MARCHF1: variants seen among roughly 807,000 people sequenced by gnomAD.
MARCHF1 encodes the protein E3 ubiquitin-protein ligase MARCHF1.
MARCHF1 carries 40 observed loss-of-function variants against 54.2 expected under a neutral mutation model. The ratio of observed to expected loss-of-function variants is 0.74; its 90% CI spans 0.57 to 0.96. The LOEUF (loss-of-function observed/expected upper bound fraction) is 0.96. Ranked by LOEUF, MARCHF1 falls within the 40% of genes least tolerant of loss-of-function variation. The pLI is 0.00. For missense variants in MARCHF1, 586 were observed against 656.5 expected (o/e 0.89, Z 1.17); for synonymous variants, 236 against 236.3 (o/e 1.00, Z 0.01).
chr4:163,658,458 T>C lies in MARCHF1; in HGVS notation c.162+42355A>G, dbSNP rs376142124. ...TACTTTTACACTGTGGGTGGAAATG[T>C]AAATTAGTTCAGCCAGTGTAGAAGA... On this transcript the variant is annotated intron_variant, in intron 5 of 9. Transcript: ENST00000514618. 3.5e-4 allele frequency among the ~76,000 whole-genome samples: 53 copies of C among 152,134 alleles called. No individual in the cohort carries two copies. In the East Asian group the frequency reaches 8.7e-3, roughly 25 times the overall value.
Position 164,350,388 on chromosome 4 carries a change from T to C in MARCHF1, c.-323+33482A>G, listed in dbSNP as rs915657581. On this transcript the variant is annotated intron_variant, in intron 1 of 9. Transcript: ENST00000514618. ...GGGAGGATAGGGAGAGGTTTGTTAA[T>C]GGATAGAAAATCACAGCTAGATAAG... Among the ~76,000 whole-genome samples the C allele has an allele frequency of 2.6e-5, 4 of 152,132 alleles. No homozygotes were observed. In the East Asian group the frequency reaches 5.8e-4, roughly 22 times the overall value.
intron 1 of MARCHF1, among the ~76,000 whole-genome samples, chr4:164,176,876 T>C (rs528292793): frequency 2.0e-5 from 3 of 150,492 alleles, no homozygotes; most frequent in African/African-American, 4.8e-5. Flanking sequence ...TCCTTAATTT[T>C]ATTCTTAGAT....
intron 4 of MARCHF1, among the ~76,000 whole-genome samples, chr4:163,787,306 C>T (rs1266183277): frequency 6.6e-6 from 1 of 150,994 alleles, no homozygotes; most frequent in Non-Finnish European, 1.5e-5. Context: ...AAAAAAGGGA[C>T]AAAATATTTG....
chr4:163,820,025 G>C (rs954980159), intron 4 of MARCHF1, among the ~76,000 whole-genome samples: 1 of 151,972 alleles, frequency 6.6e-6, no homozygotes, highest in Non-Finnish European at 1.5e-5. Flanking sequence ...AAAAAATACC[G>C]ATCCTGTGTT....
intron 9 of MARCHF1, among the ~76,000 whole-genome samples, chr4:163,535,753 C>CTTTTTTTT (rs34118311): frequency 1.4e-5 from 2 of 144,156 alleles, no homozygotes; most frequent in Non-Finnish European, 1.5e-5. Flanking sequence ...TATAGAAGGG[C>CTTTTTTTT]TTTTTTTTTT....
At chr4:163,790,672 A>G (rs1747751096) in intron 4 of MARCHF1, among the ~76,000 whole-genome samples, 1 of 152,154 alleles carries the variant, frequency 6.6e-6, no homozygotes, top group Non-Finnish European at 1.5e-5. Context: ...ATTTTTTCAC[A>G]CTTTAATAGC....
intron 3 of MARCHF1, among the ~76,000 whole-genome samples, chr4:163,881,622 A>T (rs1200677925): frequency 4.0e-5 from 6 of 151,654 alleles, no homozygotes; most frequent in African/African-American, 1.5e-4. Context: ...TAATAGTGGA[A>T]AGAGGAAGAG....
chr4:163,834,209 T>C (rs1049794438), intron 4 of MARCHF1, among the ~76,000 whole-genome samples: 1 of 152,106 alleles, frequency 6.6e-6, no homozygotes, highest in Non-Finnish European at 1.5e-5. Flanking sequence ...AATCATCTTG[T>C]TTTGTGGTAC....
chr4:163,912,428 A>G (rs930114089), intron 3 of MARCHF1, among the ~76,000 whole-genome samples: 1 of 152,194 alleles, frequency 6.6e-6, no homozygotes, highest in African/African-American at 2.4e-5. Context: ...TCAGAGCACT[A>G]TAGGTAGCTC....
intron 1 of MARCHF1, among the ~76,000 whole-genome samples, chr4:164,121,214 C>A (rs761640878): frequency 6.6e-6 from 1 of 152,048 alleles, no homozygotes; most frequent in Non-Finnish European, 1.5e-5. Flanking sequence ...ATTGGAAAAT[C>A]TAGAAGAAAT....
intron 1 of MARCHF1, among the ~76,000 whole-genome samples, chr4:164,276,304 G>A (rs532790274): frequency 9.2e-5 from 14 of 151,836 alleles, no homozygotes; most frequent in Non-Finnish European, 1.9e-4. Context: ...GTCAAACAAC[G>A]TACTTATATT....
intron 4 of MARCHF1, among the ~76,000 whole-genome samples, chr4:163,842,706 CT>C (rs1253636958): frequency 3.9e-5 from 6 of 152,074 alleles, no homozygotes; most frequent in Non-Finnish European, 5.9e-5. Context: ...GCAATATTTG[CT>C]TTTATCATGT....
rs149302718 is a variant in MARCHF1, at chr4:163,598,127, G to C, written c.1011-12198C>G. Among the ~76,000 whole-genome samples, 787 of 152,302 alleles carry C rather than the reference G, an allele frequency of 5.2e-3. 7 individuals are homozygous for C. Among genetic ancestry groups the C allele is most frequent in the African/African-American group, 0.018 (763 of 41,556 alleles). On this transcript the variant is annotated intron_variant, in intron 7 of 9. Transcript: ENST00000514618. Reference sequence around the variant, plus strand: ...TCAGACATTCTATTTAGGTATGTGAGATTCTGCTGCACTTTCCCAGAAGAT... The same window carrying C: ...TCAGACATTCTATTTAGGTATGTGACATTCTGCTGCACTTTCCCAGAAGAT...
intron 8 of MARCHF1, among the ~76,000 whole-genome samples, chr4:163,574,723 T>G (rs916021349): frequency 1.3e-5 from 2 of 152,166 alleles, no homozygotes; most frequent in Non-Finnish European, 2.9e-5. Flanking sequence ...TGTAGCCTTG[T>G]AGTATAGTTA....
chr4:163,658,320 GATC>G (rs1453353019), intron 5 of MARCHF1, among the ~76,000 whole-genome samples: 2 of 151,950 alleles, frequency 1.3e-5, no homozygotes, highest in Non-Finnish European at 2.9e-5. Context: ...TGTCATAAAA[GATC>G]ATTAGAGAAA....
intron 5 of MARCHF1, among the ~76,000 whole-genome samples, chr4:163,634,688 C>T (rs1036208978): frequency 1.3e-4 from 20 of 151,740 alleles, no homozygotes; most frequent in Non-Finnish European, 1.9e-4. Context: ...GACAGATCAA[C>T]GAGAAAGAAA....
At chr4:163,926,203 T>C (rs192344807) in intron 3 of MARCHF1, among the ~76,000 whole-genome samples, 110 of 151,790 alleles carry the variant, frequency 7.2e-4, no homozygotes, top group African/African-American at 2.5e-3. Flanking sequence ...CAGAAAACCA[T>C]AGGCTAGTTT....
At chr4:163,904,173 G>A (rs765352835) in intron 3 of MARCHF1, among the ~76,000 whole-genome samples, 2 of 151,984 alleles carry the variant, frequency 1.3e-5, no homozygotes, top group African/African-American at 4.8e-5. Context: ...TAGCTTTGAG[G>A]CAAATCCCTA....
At chr4:163,932,722 C>A (rs761283926) in intron 3 of MARCHF1, 46 of 538,574 alleles carry the variant, frequency 8.5e-5, no homozygotes, top group Non-Finnish European at 1.7e-4. Flanking sequence ...GAGCAGAAGA[C>A]AGACACCTCC....
Sources: allele counts gnomAD v4.1 joint callset (sites outside exome capture counted in the v4.1 genomes callset), GRCh38; gene constraint gnomAD v4.1.1; transcripts MANE v1.5; gene names NCBI Gene and HGNC (gene_info 2026-07-23, HGNC 2026-07-21).